Variants in C13orf42 observed in about 807,000 individuals in gnomAD.
The protein encoded by C13orf42 is chromosome 13 open reading frame 42, also known as uncharacterized protein C13orf42.
chr13:51,105,445 T>C (rs1953343504), intron 1 of C13orf42, among the ~76,000 whole-genome samples: 1 of 152,206 alleles, frequency 6.6e-6, no homozygotes, highest in African/African-American at 2.4e-5. Flanking sequence ...ATTAATAAAC[T>C]GTTACTAAAA....
chr13:51,134,837 A>G (rs1283817985), intron 1 of C13orf42, among the ~76,000 whole-genome samples: 1 of 152,168 alleles, frequency 6.6e-6, no homozygotes, highest in Non-Finnish European at 1.5e-5. Flanking sequence ...ATCAGGTTAC[A>G]AGTCTGATGG....
intron 1 of C13orf42, among the ~76,000 whole-genome samples, chr13:51,107,741 G>C (rs1441827703): frequency 1.3e-5 from 2 of 152,198 alleles, no homozygotes; most frequent in Non-Finnish European, 2.9e-5. Flanking sequence ...ATGCTCTGGA[G>C]ATAGAAAAAT....
chr13:51,156,784 G>T lies in C13orf42; in HGVS notation n.136+15469C>A, dbSNP rs1010184501. 3.9e-5 allele frequency among the ~76,000 whole-genome samples: 6 copies of T among 152,244 alleles called. No homozygotes were observed. The East Asian group carries it at 1.2e-3, about 29-fold the overall frequency. ...TCTGAATATTGTTCAGCTCTCATGG[G>T]CATCTGGTGATGGGGTGTGTCCCCA... On this transcript the variant is annotated intron_variant and non_coding_transcript_variant, in intron 1 of 4. Coordinates refer to the C13orf42 transcript ENST00000433280.
rs956553347 is a variant in C13orf42, at chr13:51,083,194, G to A, written c.*957C>T. ...ATTTCAGTATATTCTCCAAACCAGTGGTTCTCAAGCTTGAATGGGTACAAC... is the reference window on the plus strand; with the variant it reads ...ATTTCAGTATATTCTCCAAACCAGTAGTTCTCAAGCTTGAATGGGTACAAC... On this transcript the variant is annotated 3_prime_UTR_variant, in exon 4 of 4. Coordinates refer to ENST00000563710, the MANE Select transcript of C13orf42 (RefSeq NM_001351589.3). The A allele has an allele frequency of 6.6e-6, 1 of 152,102 alleles. No homozygotes were observed. The highest frequency in any genetic ancestry group is 1.5e-5 in the Non-Finnish European group (1 of 68,016). 9.4% of individuals were successfully genotyped at this position (152,102 alleles called of 1,614,324 possible).
intron 1 of C13orf42, among the ~76,000 whole-genome samples, chr13:51,098,943 T>C (rs1456606981): frequency 6.6e-6 from 1 of 152,136 alleles, no homozygotes; most frequent in Non-Finnish European, 1.5e-5. Flanking sequence ...AATGTCAATA[T>C]TGGTGATGAA....
At chr13:51,171,180 T>A (rs1953947413) in intron 1 of C13orf42, among the ~76,000 whole-genome samples, 2 of 152,068 alleles carry the variant, frequency 1.3e-5, no homozygotes, top group Admixed American at 6.6e-5. Context: ...TCTCAAAAAC[T>A]TAAAACCTCT....
chr13:51,148,731 C>T (rs1042534763), intron 1 of C13orf42, among the ~76,000 whole-genome samples: 1 of 152,220 alleles, frequency 6.6e-6, no homozygotes, highest in Non-Finnish European at 1.5e-5. Flanking sequence ...AACAAACCCC[C>T]TAACTGGCTG....
At chr13:51,149,332 C>T (rs1273642602) in intron 1 of C13orf42, among the ~76,000 whole-genome samples, 1 of 143,570 alleles carries the variant, frequency 7.0e-6, no homozygotes, top group Non-Finnish European at 1.5e-5. Flanking sequence ...AAAAAAAAAC[C>T]CTAAAAATCT....
chr13:51,125,701 C>T (rs1377302308), intron 1 of C13orf42, among the ~76,000 whole-genome samples: 1 of 152,200 alleles, frequency 6.6e-6, no homozygotes, highest in African/African-American at 2.4e-5. Flanking sequence ...AGCACCTAGG[C>T]TTATCCTTTT....
chr13:51,168,518 C>T (rs572332704), intron 1 of C13orf42, among the ~76,000 whole-genome samples: 3 of 152,308 alleles, frequency 2.0e-5, no homozygotes, highest in East Asian at 1.9e-4. Context: ...AAGGAAAGGG[C>T]TTTCTTCCCC....
At position 51,096,750 on chromosome 13, in the gene C13orf42, C is replaced by T. The variant is rs148239093; in HGVS notation, c.415-8675G>A. ...TTCTGTGTGATTATGCCTTTGACTTCGTAATTTGTTAGATTCCTATGCTTC... is the reference window on the plus strand; with the variant it reads ...TTCTGTGTGATTATGCCTTTGACTTTGTAATTTGTTAGATTCCTATGCTTC... On this transcript the variant is annotated intron_variant, in intron 1 of 3. Coordinates refer to ENST00000563710, the MANE Select transcript of C13orf42 (RefSeq NM_001351589.3). Among the ~76,000 whole-genome samples, 192 of 152,210 alleles carry T rather than the reference C, an allele frequency of 1.3e-3. 1 individual carries two copies. The highest frequency in any genetic ancestry group is 4.1e-3 in the African/African-American group (172 of 41,536).
At chr13:51,127,027 C>T (rs573231926) in intron 1 of C13orf42, among the ~76,000 whole-genome samples, 56 of 152,064 alleles carry the variant, frequency 3.7e-4, no homozygotes, top group Admixed American at 1.6e-3. Flanking sequence ...AAGAGCTGGG[C>T]GTGGTGGCAG....
rs529071237 is a variant in C13orf42 at position 51,166,811 on chromosome 13, G to C, written n.136+5442C>G. Among the ~76,000 whole-genome samples, 46 of 152,288 alleles carry C rather than the reference G, an allele frequency of 3.0e-4. 1 individual carries two copies. In the South Asian group the frequency reaches 9.6e-3, roughly 32 times the overall value. ...ATGAAACATCTAGGCTGGCACAGTG[G>C]TTCACGCCTGTAATCCAAGCACCTT... On this transcript the variant is annotated intron_variant and non_coding_transcript_variant, in intron 1 of 4. Transcript: ENST00000433280.
rs1008779962 is a variant in C13orf42 at position 51,155,968 on chromosome 13, T to C, written n.136+16285A>G. 3.3e-5 allele frequency among the ~76,000 whole-genome samples: 5 copies of C among 152,228 alleles called. No individual in the cohort carries two copies. The East Asian group carries it at 9.7e-4, about 29-fold the overall frequency. On this transcript the variant is annotated intron_variant and non_coding_transcript_variant, in intron 1 of 4. Coordinates refer to the C13orf42 transcript ENST00000433280. Reference sequence around the variant, plus strand: ...TGGAAAAGTCCTCATTTCAACAGCTTCCAGACTCCCCTGTGCCTGACATCA... The same window carrying C: ...TGGAAAAGTCCTCATTTCAACAGCTCCCAGACTCCCCTGTGCCTGACATCA...
upstream of C13orf42, among the ~76,000 whole-genome samples, chr13:51,112,980 C>T (rs1593538722): frequency 6.6e-6 from 1 of 152,170 alleles, no homozygotes; most frequent in East Asian, 1.9e-4. Context: ...GACTGAACTT[C>T]TTCTCAGAGG....
intron 1 of C13orf42, among the ~76,000 whole-genome samples, chr13:51,171,525 C>A (rs1953951727): frequency 6.6e-6 from 1 of 152,032 alleles, no homozygotes; most frequent in African/African-American, 2.4e-5. Flanking sequence ...ACCCATCTGA[C>A]CTCTCCCTTC....
intron 1 of C13orf42, among the ~76,000 whole-genome samples, chr13:51,103,076 G>A (rs776871333): frequency 3.9e-5 from 6 of 152,254 alleles, no homozygotes; most frequent in South Asian, 4.1e-4. Context: ...AAGTAACCCC[G>A]CCTGAGAAAA....
chr13:51,104,514 G>T (rs1273700434), intron 1 of C13orf42, among the ~76,000 whole-genome samples: 4 of 152,144 alleles, frequency 2.6e-5, no homozygotes, highest in Non-Finnish European at 5.9e-5. Context: ...TTAAGAATTT[G>T]TTAACTGTAA....
At chr13:51,140,720 A>G (rs539917653) in intron 1 of C13orf42, among the ~76,000 whole-genome samples, 1 of 152,146 alleles carries the variant, frequency 6.6e-6, no homozygotes, top group East Asian at 1.9e-4. Flanking sequence ...TCCTGCTTCC[A>G]TGACGATGGA....
Sources: gnomAD v4.1 joint callset for allele counts (sites outside exome capture counted in the v4.1 genomes callset) on GRCh38, gnomAD v4.1.1 for gene constraint, MANE v1.5 for transcripts, NCBI Gene and HGNC (gene_info 2026-07-23, HGNC 2026-07-21) for gene names.